The following ALK variants were observed in gnomAD, a reference collection of about 807,000 sequenced individuals.
ALK encodes the protein ALK tyrosine kinase receptor.
Under a neutral mutation model 163.1 loss-of-function variants are expected in ALK, and 74 were observed. That is an observed-to-expected ratio of 0.45 (90% CI 0.38 to 0.55). ALK has a LOEUF of 0.55. Among genes scored for constraint, ALK ranks in the 20% least tolerant of loss-of-function variants. The probability of loss-of-function intolerance (pLI) is 0.00; values close to 1 mark genes in which losing one functional copy is unlikely to be tolerated. For missense variants in ALK, 2,063 were observed against 2,105.3 expected (o/e 0.98, Z 0.39); for synonymous variants, 960 against 843.2 (o/e 1.14, Z -2.40).
chr2:29,847,622 A>G (rs1198462432), intron 1 of ALK, among the ~76,000 whole-genome samples: 2 of 152,162 alleles, frequency 1.3e-5, no homozygotes, highest in Non-Finnish European at 2.9e-5. Flanking sequence ...GAACATGACA[A>G]TCTAGTTCCA....
chr2:29,371,233 G>A (rs935565814), intron 5 of ALK, among the ~76,000 whole-genome samples: 1 of 152,192 alleles, frequency 6.6e-6, no homozygotes, highest in Non-Finnish European at 1.5e-5. Context: ...CACAAAAACC[G>A]TGCTCTCAGC....
chr2:29,584,687 G>T (rs1004040948), intron 3 of ALK, among the ~76,000 whole-genome samples: 4 of 152,188 alleles, frequency 2.6e-5, no homozygotes, highest in Admixed American at 2.6e-4. Flanking sequence ...TCGGTGTTCT[G>T]GAGTCTAGCC....
intron 4 of ALK, among the ~76,000 whole-genome samples, chr2:29,416,983 T>A (rs1486920357): frequency 1.6e-5 from 1 of 63,546 alleles, no homozygotes; most frequent in African/African-American, 4.6e-5. Context: ...TTGATGCTTT[T>A]TTTTTTTTTT....
intron 3 of ALK, among the ~76,000 whole-genome samples, chr2:29,624,132 T>G: frequency 4.3e-5 from 1 of 23,012 alleles, no homozygotes; most frequent in Non-Finnish European, 1.6e-4. Context: ...TCAGACTATG[T>G]GTTGATGCCT....
intron 1 of ALK, among the ~76,000 whole-genome samples, chr2:29,773,655 A>T (rs961197452): frequency 1.3e-5 from 2 of 152,200 alleles, no homozygotes; most frequent in Non-Finnish European, 2.9e-5. Flanking sequence ...ACATCCATCC[A>T]TTGAGATGGA....
At chr2:29,772,664 G>T (rs995274763) in intron 1 of ALK, among the ~76,000 whole-genome samples, 4 of 152,210 alleles carry the variant, frequency 2.6e-5, no homozygotes, top group African/African-American at 9.6e-5. Flanking sequence ...GAGTTAAAGG[G>T]CGTCTCGCTG....
At chr2:29,602,814 A>G (rs544920523) in intron 3 of ALK, among the ~76,000 whole-genome samples, 5 of 152,252 alleles carry the variant, frequency 3.3e-5, no homozygotes, top group Non-Finnish European at 7.3e-5. Flanking sequence ...TTCTATAAAA[A>G]TATTTGAAAC....
At position 29,375,635 on chromosome 2, in the gene ALK, C is replaced by CA. The variant is rs949899368; in HGVS notation, c.1282+8096dup. ...CCTGGCCTATCTCTATTTTAAATGA[C>CA]AAAAAAACCCCACAAAAACCCAATC... On this transcript the variant is annotated intron_variant, in intron 5 of 28. Transcript: ENST00000389048. Among the ~76,000 whole-genome samples the CA allele has an allele frequency of 2.6e-5, 4 of 152,002 alleles. No individual in the cohort carries two copies. The East Asian group carries it at 5.8e-4, about 22-fold the overall frequency.
At position 29,226,989 on chromosome 2, in the gene ALK, T is replaced by G; in HGVS notation, c.3000A>C (p.Glu1000Asp). 1 of 1,614,206 alleles carries G rather than the reference T, an allele frequency of 6.2e-7. No homozygotes were observed. Among genetic ancestry groups the G allele is most frequent in the Non-Finnish European group, 8.5e-7 (1 of 1,180,034 alleles). ...CEVDECHMDP[E>D]SHKVICFCDH... ...CACAGAAGCAGATGACCTTGTGGCTTTCAGGGTCCATGTGACATTCGTCTA... is the reference window on the plus strand; with the variant it reads ...CACAGAAGCAGATGACCTTGTGGCTGTCAGGGTCCATGTGACATTCGTCTA... The change falls in exon 18 of 29, where the codon GAA becomes GAC. Residue 1000 changes from glutamate to aspartate, a missense_variant. Physicochemically the swap from Glu to Asp is conservative, Grantham distance 45 (BLOSUM62 2). Transcript: ENST00000389048.
chr2:29,262,513 CAAT>C (rs1406409646), intron 11 of ALK, among the ~76,000 whole-genome samples: 3 of 152,220 alleles, frequency 2.0e-5, no homozygotes, highest in Admixed American at 6.5e-5. Context: ...GTAACAACAA[CAAT>C]GATCACACCA....
At chr2:29,382,987 G>A (rs1668940404) in intron 5 of ALK, among the ~76,000 whole-genome samples, 2 of 152,166 alleles carry the variant, frequency 1.3e-5, no homozygotes, top group South Asian at 4.1e-4. Flanking sequence ...CCACTTCCCA[G>A]AGGCACAAAG....
chr2:29,910,119 G>C (rs986055852), intron 1 of ALK, among the ~76,000 whole-genome samples: 1 of 151,992 alleles, frequency 6.6e-6, no homozygotes, highest in Non-Finnish European at 1.5e-5. Flanking sequence ...CTTTAAAATA[G>C]CTGTTATACG....
intron 1 of ALK, among the ~76,000 whole-genome samples, chr2:29,840,498 C>G (rs1665671679): frequency 6.6e-6 from 1 of 152,178 alleles, no homozygotes; most frequent in Admixed American, 6.5e-5. Context: ...TATAAATCAT[C>G]TGGTTTTGCT....
chr2:29,330,438 A>G (rs529301364), intron 5 of ALK, among the ~76,000 whole-genome samples: 11 of 152,320 alleles, frequency 7.2e-5, no homozygotes, highest in Middle Eastern at 6.8e-3. Flanking sequence ...ACCTGCCTCC[A>G]GAACGCTTGT....
At chr2:29,429,845 A>G (rs1303888523) in intron 4 of ALK, among the ~76,000 whole-genome samples, 1 of 152,154 alleles carries the variant, frequency 6.6e-6, no homozygotes, top group Non-Finnish European at 1.5e-5. Flanking sequence ...AATTGCATCT[A>G]CAACAATGTT....
intron 1 of ALK, among the ~76,000 whole-genome samples, chr2:29,880,757 C>G (rs146712603): frequency 6.2e-4 from 94 of 152,274 alleles, no homozygotes; most frequent in African/African-American, 2.1e-3. Context: ...AAAATTGCTT[C>G]TTTAAGGAAT....
At chr2:29,726,810 T>C (rs574093701) in intron 1 of ALK, among the ~76,000 whole-genome samples, 1 of 152,276 alleles carries the variant, frequency 6.6e-6, no homozygotes, top group South Asian at 2.1e-4. Flanking sequence ...TACAACAACT[T>C]TGGTAGTTAA....
intron 26 of ALK, among the ~76,000 whole-genome samples, chr2:29,197,918 C>T (rs2148144111): frequency 6.6e-6 from 1 of 152,094 alleles, no homozygotes; most frequent in South Asian, 2.1e-4. Context: ...TTTTTTTTCA[C>T]TTATTTGCAG....
intron 3 of ALK, among the ~76,000 whole-genome samples, chr2:29,575,105 T>G (rs188648176): frequency 6.6e-6 from 1 of 152,248 alleles, no homozygotes; most frequent in African/African-American, 2.4e-5. Flanking sequence ...CTGATGAACT[T>G]TGATTCATGA....
Sources: allele counts gnomAD v4.1 joint callset (sites outside exome capture counted in the v4.1 genomes callset), GRCh38; gene constraint gnomAD v4.1.1; transcripts MANE v1.5; gene names NCBI Gene and HGNC (gene_info 2026-07-23, HGNC 2026-07-21).